The following DLG2 variants were observed in gnomAD, a reference collection of about 807,000 sequenced individuals.
The protein encoded by DLG2 is discs large MAGUK scaffold protein 2, also known as disks large homolog 2.
DLG2 carries 45 observed loss-of-function variants against 132.5 expected under a neutral mutation model. That is an observed-to-expected ratio of 0.34 (90% CI 0.27 to 0.44). The LOEUF (loss-of-function observed/expected upper bound fraction) is 0.44, where lower values mean the gene tolerates loss of function less well. DLG2 is among the 20% of genes least tolerant of loss of function. The pLI is 1.00. For synonymous variants in DLG2, 424 were observed against 419.6 expected, an observed-to-expected ratio of 1.01 and a Z score of -0.13; for missense variants, 1,045 against 1,196.9, an observed-to-expected ratio of 0.87 and a Z score of 1.87.
chr11:83,583,406 G>C (rs7130901), intron 19 of DLG2, among the ~76,000 whole-genome samples: 3,149 of 152,276 alleles, frequency 0.021, 124 homozygotes, highest in African/African-American at 0.072. Context: ...TCCATTATTA[G>C]GGGCAGTGTG....
At chr11:85,306,718 G>A (rs889807473) in intron 3 of DLG2, among the ~76,000 whole-genome samples, 2 of 152,016 alleles carry the variant, frequency 1.3e-5, no homozygotes, top group Non-Finnish European at 2.9e-5. Flanking sequence ...GACTACCAGC[G>A]CCCACCACCA....
At chr11:84,215,998 TA>T (rs923516409) in intron 8 of DLG2, among the ~76,000 whole-genome samples, 1 of 152,160 alleles carries the variant, frequency 6.6e-6, no homozygotes, top group Non-Finnish European at 1.5e-5. Context: ...TTTAGTGGCT[TA>T]AAAAATAGCC....
At chr11:83,991,428 A>G (rs544111513) in intron 11 of DLG2, among the ~76,000 whole-genome samples, 2 of 152,314 alleles carry the variant, frequency 1.3e-5, no homozygotes, top group South Asian at 2.1e-4. Context: ...TCACATTTCT[A>G]TACCTATCCT....
intron 6 of DLG2, among the ~76,000 whole-genome samples, chr11:84,884,590 A>G (rs1600774011): frequency 6.6e-6 from 1 of 152,142 alleles, no homozygotes; most frequent in African/African-American, 2.4e-5. Flanking sequence ...CTATACAACT[A>G]ACTTCAGATT....
intron 6 of DLG2, among the ~76,000 whole-genome samples, chr11:84,971,802 G>T (rs2054136919): frequency 6.6e-6 from 1 of 151,880 alleles, no homozygotes; most frequent in Admixed American, 6.6e-5. Flanking sequence ...TTTTTCTGTT[G>T]TACTGAATAA....
At chr11:84,100,602 C>T (rs927534203) in intron 9 of DLG2, among the ~76,000 whole-genome samples, 1 of 151,822 alleles carries the variant, frequency 6.6e-6, no homozygotes, top group Non-Finnish European at 1.5e-5. Flanking sequence ...CTTATTTAAC[C>T]AGTCCCTTGT....
intron 9 of DLG2, among the ~76,000 whole-genome samples, chr11:84,107,207 G>A (rs1331529484): frequency 6.6e-6 from 1 of 151,912 alleles, no homozygotes; most frequent in Non-Finnish European, 1.5e-5. Context: ...TCTTGAAGGA[G>A]GAGTGAGAAT....
intron 6 of DLG2, among the ~76,000 whole-genome samples, chr11:85,098,835 A>T (rs2070368636): frequency 6.6e-6 from 1 of 152,202 alleles, no homozygotes; most frequent in Non-Finnish European, 1.5e-5. Context: ...TCTGAGTTGG[A>T]TGAAAATATA....
At chr11:85,504,567 T>C (rs1652545419) in intron 3 of DLG2, among the ~76,000 whole-genome samples, 1 of 152,212 alleles carries the variant, frequency 6.6e-6, no homozygotes, top group Non-Finnish European at 1.5e-5. Flanking sequence ...GTTCCATTGG[T>C]CTATATCTCT....
Position 85,515,162 on chromosome 11 carries a change from G to A in DLG2, c.40+83495C>T, listed in dbSNP as rs534412872. On this transcript the variant is annotated intron_variant, in intron 3 of 27. Transcript: ENST00000376104. ...AGACAAAAGGAGAAGTCAGAGTCAC[G>A]TTTAACTAACTAATTTTGACCTAGT... is the stretch of plus-strand genomic sequence containing the variant. 5.9e-5 allele frequency among the ~76,000 whole-genome samples: 9 copies of A among 152,002 alleles called. No homozygotes were observed. In the South Asian group the frequency reaches 1.4e-3, roughly 24 times the overall value.
chr11:84,320,245 CA>C (rs993150701), intron 7 of DLG2, among the ~76,000 whole-genome samples: 1 of 152,068 alleles, frequency 6.6e-6, no homozygotes, highest in African/African-American at 2.4e-5. Flanking sequence ...TCACTAGTTT[CA>C]AAGCAAGCGT....
intron 7 of DLG2, chr11:84,273,161 G>A: frequency 1.3e-6 from 2 of 1,530,898 alleles, no homozygotes; most frequent in Non-Finnish European, 1.7e-6. Context: ...CGGAATAAAT[G>A]CATGTTGCAT....
At chr11:84,749,021 A>G (rs2065759766) in intron 6 of DLG2, among the ~76,000 whole-genome samples, 1 of 152,226 alleles carries the variant, frequency 6.6e-6, no homozygotes, top group South Asian at 2.1e-4. Context: ...TAAATTAAGA[A>G]TAAATAAATA....
chr11:85,397,441 A>G (rs1010846900), intron 3 of DLG2, among the ~76,000 whole-genome samples: 1 of 152,254 alleles, frequency 6.6e-6, no homozygotes, highest in Admixed American at 6.5e-5. Flanking sequence ...TTAACCTTAA[A>G]TGTAAATGGG....
intron 3 of DLG2, among the ~76,000 whole-genome samples, chr11:85,418,779 G>C (rs1597151375): frequency 6.6e-6 from 1 of 151,992 alleles, no homozygotes; most frequent in South Asian, 2.1e-4. Flanking sequence ...CTTTCCATTT[G>C]CCTAGTAAAT....
At chr11:84,570,590 G>C (rs2099478623) in intron 6 of DLG2, among the ~76,000 whole-genome samples, 1 of 152,106 alleles carries the variant, frequency 6.6e-6, no homozygotes, top group Admixed American at 6.5e-5. Flanking sequence ...GACATACTTG[G>C]AATCATGTAC....
chr11:83,475,144 G>C (rs192367306), intron 22 of DLG2, among the ~76,000 whole-genome samples: 4 of 152,270 alleles, frequency 2.6e-5, no homozygotes, highest in Non-Finnish European at 4.4e-5. Flanking sequence ...TAATACCCAG[G>C]AAGCCTGTGG....
chr11:83,808,827 T>TC (rs955350457), intron 17 of DLG2, among the ~76,000 whole-genome samples: 7 of 152,190 alleles, frequency 4.6e-5, no homozygotes, highest in African/African-American at 1.4e-4. Context: ...TCATTTTTTT[T>TC]CCTCTCTATT....
intron 3 of DLG2, among the ~76,000 whole-genome samples, chr11:85,420,001 G>A (rs1293558387): frequency 6.6e-6 from 1 of 152,190 alleles, no homozygotes; most frequent in Non-Finnish European, 1.5e-5. Context: ...ATCCTTTGGA[G>A]GTGAAGAGGC....
Sources: gnomAD v4.1 joint callset for allele counts (sites outside exome capture counted in the v4.1 genomes callset) on GRCh38, gnomAD v4.1.1 for gene constraint, MANE v1.5 for transcripts, NCBI Gene and HGNC (gene_info 2026-07-23, HGNC 2026-07-21) for gene names.